NNMT: variants seen among roughly 807,000 people sequenced by gnomAD.
NNMT encodes the protein nicotinamide N-methyltransferase.
In NNMT, 10 loss-of-function variants were observed where a neutral mutation model predicts 11.7. The observed-to-expected ratio is 0.85, with a 90% confidence interval of 0.53 to 1.45. The LOEUF is 1.45. Among genes scored for constraint, NNMT ranks in the 40% most tolerant of loss-of-function variants. NNMT has a pLI of 0.00. For missense variants in NNMT, 381 were observed against 319.4 expected (o/e 1.19, Z -1.47); for synonymous variants, 143 against 133.8 (o/e 1.07, Z -0.48).
Position 114,312,265 on chromosome 11 carries a change from A to G in NNMT, c.583A>G (p.Ile195Val), listed in dbSNP as rs747171888. The G allele has an allele frequency of 3.3e-5, 53 of 1,614,202 alleles. 3 individuals are homozygous for G. In the South Asian group the frequency reaches 5.3e-4, roughly 16 times the overall value. Residue 195 changes from isoleucine to valine, a missense_variant, in exon 3 of 3, where the codon ATC becomes GTC. Ile to Val is a conservative substitution (Grantham distance 29). Transcript: ENST00000299964. The stretch of plus-strand genomic sequence containing the variant: ...ACTGAAGCCAGGGGGCTTCCTGGTG[A>G]TCATGGATGCGCTCAAGAGCAGCTA... ...SLLKPGGFLV[I>V]MDALKSSYYM...
At chr11:114,286,529 G>C (rs1010888556) in intron 2 of NNMT, among the ~76,000 whole-genome samples, 1 of 152,050 alleles carries the variant, frequency 6.6e-6, no homozygotes, top group African/African-American at 2.4e-5. Flanking sequence ...ATTTACTTTT[G>C]TTTGTTTTGG....
At chr11:114,311,313 G>A (rs561929055) in intron 2 of NNMT, among the ~76,000 whole-genome samples, 2 of 152,328 alleles carry the variant, frequency 1.3e-5, no homozygotes, top group African/African-American at 4.8e-5. Flanking sequence ...CTGTGCAACA[G>A]AACAGGACCC....
intron 2 of NNMT, among the ~76,000 whole-genome samples, chr11:114,284,380 G>C (rs1482022312): frequency 6.6e-6 from 1 of 152,246 alleles, no homozygotes; most frequent in Non-Finnish European, 1.5e-5. Context: ...AACTGGTCCT[G>C]GCTGAGGCTC....
At chr11:114,300,973 A>G (rs552879713) in intron 2 of NNMT, among the ~76,000 whole-genome samples, 1 of 152,276 alleles carries the variant, frequency 6.6e-6, no homozygotes, top group African/African-American at 2.4e-5. Context: ...TTAGTGATTC[A>G]GTACTGACAA....
intron 2 of NNMT, among the ~76,000 whole-genome samples, chr11:114,279,044 C>T (rs542839872): frequency 2.0e-5 from 3 of 152,128 alleles, no homozygotes; most frequent in Admixed American, 6.5e-5. Flanking sequence ...GTGTGTCCTG[C>T]GATAGGTTCT....
chr11:114,296,713 AAGTC>A lies in NNMT; in HGVS notation c.154+4_154+7del. 1 of 1,614,126 alleles carries A rather than the reference AAGTC, an allele frequency of 6.2e-7. No homozygotes were observed. ...TCTTTTCAAGATATTCTGCCTAGGT[AAGTC>A]TGTTGTCTGCATGTCTCCCCACTAA... On this transcript the variant is annotated splice_donor_5th_base_variant and intron_variant, in intron 1 of 2. Coordinates refer to ENST00000299964, the MANE Select transcript of NNMT (RefSeq NM_006169.3).
At chr11:114,266,660 C>T (rs968362608) in intron 2 of NNMT, among the ~76,000 whole-genome samples, 1 of 152,108 alleles carries the variant, frequency 6.6e-6, no homozygotes, top group African/African-American at 2.4e-5. Flanking sequence ...GAATGTGTCC[C>T]CCAGAAGTTT....
chr11:114,305,397 G>A (rs1291207967), intron 2 of NNMT, among the ~76,000 whole-genome samples: 1 of 151,168 alleles, frequency 6.6e-6, no homozygotes, highest in African/African-American at 2.4e-5. Flanking sequence ...TGTGCACAAC[G>A]TGCAGGTTTG....
At chr11:114,283,680 G>T (rs935057612) in intron 2 of NNMT, among the ~76,000 whole-genome samples, 1 of 151,932 alleles carries the variant, frequency 6.6e-6, no homozygotes, top group African/African-American at 2.4e-5. Context: ...AGGTTATTAC[G>T]TCTATCCTCA....
chr11:114,312,060 G>C lies in NNMT; in HGVS notation c.378G>C (p.Glu126Asp), dbSNP rs142472969. The C allele has an allele frequency of 2.9e-5, 46 of 1,578,214 alleles. No individual in the cohort carries two copies. The African/African-American group carries it at 5.4e-4, about 18-fold the overall frequency. Residue 126 changes from glutamate to aspartate, a missense_variant, in exon 3 of 3, where the codon GAG (glutamate) becomes GAC (aspartate). Physicochemically the swap from Glu to Asp is conservative, Grantham distance 45. Transcript: ENST00000299964. ...DLEGNRVKGPEKEEKLRQAVK... is the reference protein window; with the variant it reads ...DLEGNRVKGPDKEEKLRQAVK... ...TGTTTTTCAGAGTCAAGGGTCCAGA[G>C]AAGGAGGAGAAGTTGAGACAGGCGG...
intron 2 of NNMT, among the ~76,000 whole-genome samples, chr11:114,276,576 G>A (rs1945215069): frequency 6.6e-6 from 1 of 152,194 alleles, no homozygotes; most frequent in African/African-American, 2.4e-5. Flanking sequence ...CTCAAACAGA[G>A]AGGTTTATAA....
intron 2 of NNMT, among the ~76,000 whole-genome samples, chr11:114,308,707 GC>G (rs1945516473): frequency 6.6e-6 from 1 of 152,130 alleles, no homozygotes; most frequent in Non-Finnish European, 1.5e-5. Flanking sequence ...TACCCCATGA[GC>G]TAAACATGAG....
chr11:114,310,441 T>C (rs1274667176), intron 2 of NNMT, among the ~76,000 whole-genome samples: 1 of 152,236 alleles, frequency 6.6e-6, no homozygotes, highest in Non-Finnish European at 1.5e-5. Context: ...TGCAAAGAAG[T>C]GATTATATTC....
chr11:114,305,677 C>T (rs1351330987), intron 2 of NNMT, among the ~76,000 whole-genome samples: 1 of 151,378 alleles, frequency 6.6e-6, no homozygotes, highest in East Asian at 1.9e-4. Flanking sequence ...AGGACATGAA[C>T]TCATCATTTT....
At chr11:114,283,245 G>A (rs1407475704) in intron 2 of NNMT, among the ~76,000 whole-genome samples, 1 of 152,170 alleles carries the variant, frequency 6.6e-6, no homozygotes. Flanking sequence ...CATTGTGTTG[G>A]GGAGTTGGAA....
At chr11:114,266,315 T>A (rs1945119214) in intron 2 of NNMT, among the ~76,000 whole-genome samples, 1 of 152,206 alleles carries the variant, frequency 6.6e-6, no homozygotes, top group Non-Finnish European at 1.5e-5. Context: ...TTTTCCTAAA[T>A]GTTTTACTTA....
At chr11:114,261,095 G>A (rs1233569382) in intron 1 of NNMT, among the ~76,000 whole-genome samples, 4 of 152,190 alleles carry the variant, frequency 2.6e-5, no homozygotes, top group African/African-American at 9.7e-5. Context: ...GTCTGGAAGG[G>A]GAGCTGGGGT....
chr11:114,270,857 C>A (rs1393743311), intron 2 of NNMT, among the ~76,000 whole-genome samples: 1 of 152,022 alleles, frequency 6.6e-6, no homozygotes, highest in African/African-American at 2.4e-5. Flanking sequence ...TCACTGCAAC[C>A]TTTGCCTCTC....
chr11:114,266,199 C>T (rs1945118321), intron 2 of NNMT, among the ~76,000 whole-genome samples: 2 of 152,140 alleles, frequency 1.3e-5, no homozygotes, highest in South Asian at 4.1e-4. Context: ...GAGCAATCAA[C>T]ACGTACTAAT....
Sources: gnomAD v4.1 joint callset for allele counts (sites outside exome capture counted in the v4.1 genomes callset) on GRCh38, gnomAD v4.1.1 for gene constraint, MANE v1.5 for transcripts, NCBI Gene and HGNC (gene_info 2026-07-23, HGNC 2026-07-21) for gene names.